Variants in COL8A2 observed in about 807,000 individuals in gnomAD.
COL8A2 encodes collagen alpha-2(VIII) chain.
COL8A2 carries 16 observed loss-of-function variants against 24.0 expected under a neutral mutation model. The observed-to-expected ratio is 0.67, with a 90% CI of 0.45 to 1.01. The LOEUF is 1.01. Among genes scored for constraint, COL8A2 ranks in the 50% least tolerant of loss-of-function variants. The pLI, the probability that COL8A2 is intolerant of heterozygous loss-of-function variation, is 0.00. For synonymous variants in COL8A2, 466 were observed against 424.5 expected (o/e 1.10, Z -1.20); for missense variants, 818 against 942.4 (o/e 0.87, Z 1.73).
At chr1:36,121,838 C>T (rs937738378) in intron 1 of COL8A2, among the ~76,000 whole-genome samples, 6 of 152,166 alleles carry the variant, frequency 3.9e-5, no homozygotes, top group Non-Finnish European at 5.9e-5. Flanking sequence ...GCCTCTGTTT[C>T]GATTCTGCCT....
At position 36,098,104 on chromosome 1, in the gene COL8A2, G is replaced by A. The variant is rs1161629082; in HGVS notation, c.1577C>T (p.Pro526Leu). Residue 526 changes from proline (P) to leucine (L), a missense_variant, in exon 4 of 4, where the codon CCC becomes CTC. Pro to Leu is a moderately conservative substitution (Grantham distance 98). This residue lies in a region of COL8A2 where 235 missense variants were observed against 297.3 expected (regional missense o/e 0.79). Transcript: ENST00000397799. Reference protein sequence around the residue: ...GITGPPGPPGPPGPPGAPGAF... With the variant: ...GITGPPGPPGLPGPPGAPGAF... ...CCCAGGGGCACCAGGGGGTCCCGGG[G>A]GCCCGGGAGGCCCCGGAGGGCCCGT... 2 of 1,514,998 alleles carry A rather than the reference G, an allele frequency of 1.3e-6. No individual in the cohort carries two copies. Among genetic ancestry groups the A allele is most frequent in the Non-Finnish European group, 1.8e-6 (2 of 1,141,298 alleles). 93.8% of individuals were successfully genotyped at this position (1,514,998 alleles called of 1,614,324 possible). A position where few individuals can be genotyped will look rare whatever the true frequency, so the allele number is the denominator to read the frequency against.
chr1:36,125,121 G>T lies in COL8A2; in HGVS notation c.-126C>A. ...GGGCGGCCCGGGCGGCGAGGGCTCC[G>T]GGCAGGGGCGTCCGCGGCTGGGCGG... On this transcript the variant is annotated 5_prime_UTR_variant, in exon 1 of 4. Transcript: ENST00000397799. This position sits in a 1 kb window ranked among gnomAD's most constrained non-coding sequence, Gnocchi z 4.5. 1.1e-6 allele frequency: 1 copy of T among 919,918 alleles called. No homozygotes were observed. Among genetic ancestry groups the T allele is most frequent in the Non-Finnish European group, 1.3e-6 (1 of 772,372 alleles). 57.0% of individuals were successfully genotyped at this position (919,918 alleles called of 1,614,324 possible). A position where few individuals can be genotyped will look rare whatever the true frequency, so the allele number is the denominator to read the frequency against.
chr1:36,109,580 TC>T (rs1357791947), intron 2 of COL8A2, among the ~76,000 whole-genome samples: 2 of 66,242 alleles, frequency 3.0e-5, no homozygotes, highest in African/African-American at 7.9e-5. Context: ...GAGTAACCAC[TC>T]TTTTTTTTTT....
chr1:36,114,187 A>C (rs1455187947), intron 2 of COL8A2, among the ~76,000 whole-genome samples: 2 of 151,798 alleles, frequency 1.3e-5, no homozygotes, highest in African/African-American at 2.4e-5. Context: ...GGCGTGGTAG[A>C]GGGCGCCTAT....
At chr1:36,104,771 G>C (rs968364431) in intron 2 of COL8A2, among the ~76,000 whole-genome samples, 2 of 152,012 alleles carry the variant, frequency 1.3e-5, no homozygotes, top group Non-Finnish European at 2.9e-5. Context: ...CTCCAGCCTG[G>C]GTGACAGAGC....
intron 1 of COL8A2, among the ~76,000 whole-genome samples, chr1:36,122,022 A>G (rs1257755931): frequency 3.3e-5 from 5 of 152,220 alleles, no homozygotes; most frequent in African/African-American, 1.2e-4. Context: ...TCCAGGCTGC[A>G]TGGGGATAGT....
rs146876759 is a variant in COL8A2, at chr1:36,097,948, G to A, written c.1733C>T (p.Thr578Ile). 1.2e-6 allele frequency: 2 copies of A among 1,609,674 alleles called. No individual in the cohort carries two copies. The highest frequency in any genetic ancestry group is 1.1e-5 in the South Asian group (1 of 90,962). ...GGGGAAGGGCGAGGTGAGCACCGCA[G>A]TGAAGGCCGGTGTGGCATGGGCAGA... ...ELSAHATPAFTAVLTSPFPAS... is the reference protein window; with the variant it reads ...ELSAHATPAFIAVLTSPFPAS... The change falls in exon 4 of 4, where the codon ACT becomes ATT. Residue 578 changes from threonine (T) to isoleucine (I), a missense_variant. By Grantham distance (89) the Thr-to-Ile change is moderately conservative. Around this residue, in one of 3 missense-constraint regions of COL8A2, gnomAD observed 235 missense variants for 297.3 expected, o/e 0.79. Coordinates refer to ENST00000397799, the MANE Select transcript of COL8A2 (RefSeq NM_005202.4).
chr1:36,114,191 C>A (rs1030835453), intron 2 of COL8A2, among the ~76,000 whole-genome samples: 3 of 151,776 alleles, frequency 2.0e-5, no homozygotes, highest in Non-Finnish European at 4.4e-5. Context: ...TGGTAGAGGG[C>A]GCCTATAGTC....
At position 36,098,694 on chromosome 1, in the gene COL8A2, T is replaced by C. The variant is rs1306134153; in HGVS notation, c.987A>G (p.Pro329=). 6.2e-7 allele frequency: 1 copy of C among 1,609,192 alleles called. No homozygotes were observed. The highest frequency in any genetic ancestry group is 8.5e-7 in the Non-Finnish European group (1 of 1,178,602). The change falls in exon 4 of 4, where the codon CCA becomes CCG. Residue 329 remains proline (P), a synonymous_variant. Transcript: ENST00000397799. ...GLPGPKGDRG[P]AGVPGLLGDR... ...CCCCCAAGAGTCCTGGGACCCCAGC[T>C]GGGCCCCTGTCCCCCTTGGGGCCTG...
At position 36,097,877 on chromosome 1, in the gene COL8A2, G is replaced by A. The variant is rs758861286; in HGVS notation, c.1804C>T (p.His602Tyr). 2.5e-6 allele frequency: 4 copies of A among 1,612,652 alleles called. No homozygotes were observed. Among genetic ancestry groups the A allele is most frequent in the Non-Finnish European group, 2.5e-6 (3 of 1,179,996 alleles). The change falls in exon 4 of 4, where the codon CAC (histidine) becomes TAC (tyrosine). Residue 602 changes from histidine (H) to tyrosine (Y), a missense_variant. His to Tyr is a moderately conservative substitution (Grantham distance 83, BLOSUM62 2). Transcript: ENST00000397799. ...VKFDRTLYNG[H>Y]SGYNPATGIF... is the part of the protein sequence containing the mutation. ...CCAGTGGCTGGGTTGTAGCCGCTGT[G>A]GCCATTGTAGAGAGTCCGGTCAAAT... is the stretch of plus-strand genomic sequence containing the variant.
chr1:36,109,633 G>A (rs551038964), intron 2 of COL8A2, among the ~76,000 whole-genome samples: 82 of 149,662 alleles, frequency 5.5e-4, no homozygotes, highest in African/African-American at 2.0e-3. Context: ...GCAGTGGCAC[G>A]ATCTCAGCTC....
In COL8A2 at chr1:36,115,632, T is replaced by A; in HGVS notation, c.-17+76A>T. 1 of 843,220 alleles carries A rather than the reference T, an allele frequency of 1.2e-6. No homozygotes were observed. The highest frequency in any genetic ancestry group is 1.4e-6 in the Non-Finnish European group (1 of 701,150). 52.2% of individuals were successfully genotyped at this position (843,220 alleles called of 1,614,324 possible). A position where few individuals can be genotyped will look rare whatever the true frequency, so the allele number is the denominator to read the frequency against. On this transcript the variant is annotated intron_variant, in intron 2 of 3. Coordinates refer to ENST00000397799, the MANE Select transcript of COL8A2 (RefSeq NM_005202.4). The surrounding 1 kb of genome is among the most constrained non-coding windows in gnomAD (Gnocchi z 5.7). The stretch of plus-strand genomic sequence containing the variant: ...GGGCTTCCGGTGCAGCAGGAGGGAG[T>A]GAGGTTAGACAGCAATGAACACAGG...
In COL8A2 at chr1:36,097,228, C is replaced by T. The variant is rs1297592472; in HGVS notation, c.*341G>A. ...GCCATCAGGGAGCCAGTGGGAAGGGCTGTCTCCCCACGTGGCGGGGTGGGG... is the reference window on the plus strand; with the variant it reads ...GCCATCAGGGAGCCAGTGGGAAGGGTTGTCTCCCCACGTGGCGGGGTGGGG... On this transcript the variant is annotated 3_prime_UTR_variant, in exon 4 of 4. Coordinates refer to ENST00000397799, the MANE Select transcript of COL8A2 (RefSeq NM_005202.4). The T allele has an allele frequency of 8.0e-6, 2 of 249,316 alleles. No individual in the cohort carries two copies. The highest frequency in any genetic ancestry group is 1.6e-5 in the Non-Finnish European group (2 of 128,160). The allele number at this position is 249,316 out of a possible 1,614,324, so 15.4% of individuals were successfully genotyped here.
chr1:36,106,060 C>T (rs370303962), intron 2 of COL8A2, among the ~76,000 whole-genome samples: 3 of 151,454 alleles, frequency 2.0e-5, no homozygotes, highest in African/African-American at 7.3e-5. Context: ...CACCTGAGGT[C>T]AGGAGTTCAA....
In COL8A2 at chr1:36,099,440, G is replaced by T. The variant is rs1643640484; in HGVS notation, c.241C>A (p.Pro81Thr). 1 of 1,545,588 alleles carries T rather than the reference G, an allele frequency of 6.5e-7. No homozygotes were observed. Among genetic ancestry groups the T allele is most frequent in the Non-Finnish European group, 8.7e-7 (1 of 1,150,586 alleles). The change falls in exon 4 of 4, where the codon CCC (proline) becomes ACC (threonine). Residue 81 changes from proline to threonine, a missense_variant. Coordinates refer to ENST00000397799, the MANE Select transcript of COL8A2 (RefSeq NM_005202.4). Reference sequence around the variant, plus strand: ...CCCCGAGGCCCGGGCTTCCCAGGGGGGCCGGGCTCTCCCTTCAGGTCCATC... The same window carrying T: ...CCCCGAGGCCCGGGCTTCCCAGGGGTGCCGGGCTCTCCCTTCAGGTCCATC... ...LPMDLKGEPG[P>T]PGKPGPRGPP... is the part of the protein sequence containing the mutation.
At chr1:36,111,124 G>A (rs1643834924) in intron 2 of COL8A2, among the ~76,000 whole-genome samples, 1 of 152,062 alleles carries the variant, frequency 6.6e-6, no homozygotes, top group South Asian at 2.1e-4. Flanking sequence ...CTCTTCCTCG[G>A]GGGCCCCTCA....
chr1:36,124,500 G>A (rs1643936834), intron 1 of COL8A2, among the ~76,000 whole-genome samples: 1 of 152,062 alleles, frequency 6.6e-6, no homozygotes, highest in Admixed American at 6.5e-5. Flanking sequence ...GAACATTCCT[G>A]GGAACTTGTC....
In COL8A2 at chr1:36,116,077, G is replaced by A. The variant is rs1643877696; in HGVS notation, c.-61-325C>T. On this transcript the variant is annotated intron_variant, in intron 1 of 3. Coordinates refer to ENST00000397799, the MANE Select transcript of COL8A2 (RefSeq NM_005202.4). ...CTGTCTCAAAAAAAAAAAAAAGGAG[G>A]AACAGTGAGACGATGACATCAGGAG... Among the ~76,000 whole-genome samples the A allele has an allele frequency of 2.0e-5, 3 of 150,466 alleles. No homozygotes were observed. The South Asian group carries it at 6.3e-4, about 32-fold the overall frequency.
intron 2 of COL8A2, among the ~76,000 whole-genome samples, chr1:36,111,850 G>A (rs1643845408): frequency 6.6e-6 from 1 of 152,028 alleles, no homozygotes; most frequent in South Asian, 2.1e-4. Context: ...TATCAGCCGA[G>A]CATGTCCCCT....
Sources: gnomAD v4.1 joint callset for allele counts (sites outside exome capture counted in the v4.1 genomes callset) on GRCh38, gnomAD v4.1.1 for gene constraint, gnomAD v4.1.1 regional missense constraint, Gnocchi (gnomAD v3.1) non-coding constraint, MANE v1.5 for transcripts, NCBI Gene and HGNC (gene_info 2026-07-23, HGNC 2026-07-21) for gene names.